Variants in MMAB observed in about 807,000 individuals in gnomAD.
The protein encoded by MMAB is metabolism of cobalamin associated B, also known as corrinoid adenosyltransferase MMAB.
Under a neutral mutation model 30.6 loss-of-function variants are expected in MMAB, and 17 were observed. That is an observed-to-expected ratio of 0.56 (90% CI 0.38 to 0.83). The LOEUF (loss-of-function observed/expected upper bound fraction) is 0.83, where lower values mean the gene tolerates loss of function less well. Among genes scored for constraint, MMAB ranks in the 40% least tolerant of loss-of-function variants. MMAB has a pLI of 0.00. For missense variants in MMAB, 311 were observed against 331.6 expected (o/e 0.94, Z 0.48); for synonymous variants, 134 against 138.6 (o/e 0.97, Z 0.23).
chr12:109,565,662 G>A (rs942820220), intron 3 of MMAB, among the ~76,000 whole-genome samples: 3 of 152,328 alleles, frequency 2.0e-5, no homozygotes, highest in Middle Eastern at 6.8e-3. Flanking sequence ...ATATTCAGGA[G>A]TGTGATAGGT....
chr12:109,573,234 G>A (rs1029759217), intron 1 of MMAB, 113 bp downstream of exon 1: 2 of 1,414,672 alleles, frequency 1.4e-6, no homozygotes, highest in Non-Finnish European at 2.0e-6. Context: ...GAACAGCGTG[G>A]AGACGTCACC....
At chr12:109,568,995 G>T (rs1884539483) in intron 2 of MMAB, 132 bp from the exon 3 acceptor site, 2 of 731,882 alleles carry the variant, frequency 2.7e-6, no homozygotes, top group Non-Finnish European at 4.8e-6. Flanking sequence ...ATCCAGGCTG[G>T]AGTACAGCGG....
At position 109,573,484 on chromosome 12, in the gene MMAB, C is replaced by T. The variant is rs372195202; in HGVS notation, c.-4G>A. 1.2e-6 allele frequency: 2 copies of T among 1,600,724 alleles called. No homozygotes were observed. The highest frequency in any genetic ancestry group is 2.2e-5 in the East Asian group (1 of 44,564). On this transcript the variant is annotated 5_prime_UTR_variant, in exon 1 of 9. Transcript: ENST00000545712. The stretch of plus-strand genomic sequence containing the variant: ...TCCCCAGGCCGCACACAGCCATGAG[C>T]CAGGCTGCTTGACGGGACCTGACCC...
intron 4 of MMAB, chr12:109,564,865 G>C (rs1884358025): frequency 3.4e-6 from 2 of 594,338 alleles, no homozygotes; most frequent in Non-Finnish European, 6.0e-6. Context: ...ATTTTGTAGA[G>C]TCAGGGTCTT....
rs776280248 is a variant in MMAB at position 109,561,849 on chromosome 12, G to C, written c.352C>G (p.Gln118Glu). 1 of 1,604,320 alleles carries C rather than the reference G, an allele frequency of 6.2e-7. No homozygotes were observed. Among genetic ancestry groups the C allele is most frequent in the Non-Finnish European group, 8.5e-7 (1 of 1,174,720 alleles). The change falls in exon 5 of 9, where the codon CAG becomes GAG. Residue 118 changes from glutamine to glutamate, a missense_variant. Transcript: ENST00000545712. The surrounding 1 kb of genome is among the most constrained non-coding windows in gnomAD (Gnocchi z 5.3). ...GAGCCGACGTCCTGCAATGTGCACT[G>C]GATCTGGGGGGCGACAGAAAGTGAC... is the stretch of plus-strand genomic sequence containing the variant. ...HTFAEELQKI[Q>E]CTLQDVGSAL...
rs1020960833 is a variant in MMAB at position 109,561,887 on chromosome 12, T to C, written c.349-35A>G. The C allele has an allele frequency of 1.1e-5, 17 of 1,569,326 alleles. No individual in the cohort carries two copies. In the Admixed American group the frequency reaches 2.0e-4, roughly 18 times the overall value. ...GACAGAAAGTGACAGTCAAGATCTA[T>C]GTGAGATGGGCTGGACAGAGACAAT... On this transcript the variant is annotated intron_variant, in intron 4 of 8. Transcript: ENST00000545712. The surrounding 1 kb of genome is among the most constrained non-coding windows in gnomAD (Gnocchi z 5.3).
rs11067227 is a variant in MMAB, at chr12:109,553,880, C to T, written c.*3148G>A. The T allele has an allele frequency of 0.24, 111,020 of 453,906 alleles. 14,247 individuals carry two copies. The highest frequency in any genetic ancestry group is 0.29 in the Middle Eastern group (415 of 1,444). The allele number at this position is 453,906 out of a possible 1,614,324, so 28.1% of individuals were successfully genotyped here. A position where few individuals can be genotyped will look rare whatever the true frequency, so the allele number is the denominator to read the frequency against. Reference sequence around the variant, plus strand: ...GAGGCAGCAGCAAGGGTGACATTGCCACTGACGGGGGCTTCCGAACTGGGG... The same window carrying T: ...GAGGCAGCAGCAAGGGTGACATTGCTACTGACGGGGGCTTCCGAACTGGGG... On this transcript the variant is annotated 3_prime_UTR_variant, in exon 9 of 9. Coordinates refer to ENST00000545712, the MANE Select transcript of MMAB (RefSeq NM_052845.4).
At chr12:109,563,994 C>A (rs1327316655) in intron 4 of MMAB, among the ~76,000 whole-genome samples, 2 of 152,234 alleles carry the variant, frequency 1.3e-5, no homozygotes, top group Non-Finnish European at 1.5e-5. Context: ...TCTTAGGGAA[C>A]AGAACAGTGA....
intron 2 of MMAB, among the ~76,000 whole-genome samples, chr12:109,571,386 G>C (rs1884621928): frequency 6.6e-6 from 1 of 151,886 alleles, no homozygotes; most frequent in Admixed American, 6.6e-5. Flanking sequence ...GTAGCTGCTG[G>C]GGTTACAGGC....
rs1255943310 is a variant in MMAB at position 109,569,154 on chromosome 12, C to A, written c.197-291G>T. The stretch of plus-strand genomic sequence containing the variant: ...AGAGACGGGTTTTCGCCCATGTTGG[C>A]CGAGCTAGTCTTGAACTCCTGGTCT... On this transcript the variant is annotated intron_variant, in intron 2 of 8. Transcript: ENST00000545712. The surrounding 1 kb of genome is among the most constrained non-coding windows in gnomAD (Gnocchi z 4.1). Among the ~76,000 whole-genome samples, 3 of 152,058 alleles carry A rather than the reference C, an allele frequency of 2.0e-5. No homozygotes were observed. Among genetic ancestry groups the A allele is most frequent in the African/African-American group, 7.2e-5 (3 of 41,382 alleles).
chr12:109,566,052 C>T (rs555430108), intron 3 of MMAB, among the ~76,000 whole-genome samples: 15 of 152,248 alleles, frequency 9.9e-5, no homozygotes, highest in South Asian at 2.1e-4. Flanking sequence ...GGGCAAGGGT[C>T]GGGGAAGGTA....
Position 109,573,335 on chromosome 12 carries a change from C to A in MMAB, c.134+12G>T. The A allele has an allele frequency of 1.2e-6, 2 of 1,613,164 alleles. No homozygotes were observed. The highest frequency in any genetic ancestry group is 4.5e-5 in the East Asian group (2 of 44,866). ...GCAGGTGTTCGAGTTGCCCTTCCCG[C>A]CAGCCACTCACCTGTCCCCGTCTTC... On this transcript the variant is annotated intron_variant, in intron 1 of 8. Coordinates refer to ENST00000545712, the MANE Select transcript of MMAB (RefSeq NM_052845.4).
rs1379662567 is a variant in MMAB, at chr12:109,556,001, T to G, written c.*1027A>C. 1 of 454,078 alleles carries G rather than the reference T, an allele frequency of 2.2e-6. No individual in the cohort carries two copies. The highest frequency in any genetic ancestry group is 4.4e-6 in the Non-Finnish European group (1 of 226,748). The allele number at this position is 454,078 out of a possible 1,614,324, so 28.1% of individuals were successfully genotyped here. A position where few individuals can be genotyped will look rare whatever the true frequency, so the allele number is the denominator to read the frequency against. Reference sequence around the variant, plus strand: ...CCTGAAACTGGACAAGAGCCTGCCCTTCCAAAGTCATTTCCTGCAATTAGC... The same window carrying G: ...CCTGAAACTGGACAAGAGCCTGCCCGTCCAAAGTCATTTCCTGCAATTAGC... On this transcript the variant is annotated 3_prime_UTR_variant, in exon 9 of 9. Transcript: ENST00000545712.
At position 109,571,733 on chromosome 12, in the gene MMAB, A is replaced by G. The variant is rs66580225; in HGVS notation, c.135-23T>C. ...GGCCTAATGAGAAATAAACATCAGT[A>G]TCTGGTGAGTGGGGATGGCTTACAC... On this transcript the variant is annotated intron_variant, in intron 1 of 8. Coordinates refer to ENST00000545712, the MANE Select transcript of MMAB (RefSeq NM_052845.4). 77,661 of 1,608,720 alleles carry G rather than the reference A, an allele frequency of 0.048. 2,448 individuals are homozygous for G. The highest frequency in any genetic ancestry group is 0.06 in the Middle Eastern group (350 of 5,882).
intron 3 of MMAB, chr12:109,567,163 T>A (rs1350405400): frequency 2.8e-6 from 1 of 357,660 alleles, no homozygotes. Flanking sequence ...AGCGCGAAAC[T>A]CCGTCTCGGA....
chr12:109,556,590 C>T lies in MMAB; in HGVS notation c.*438G>A. 1 of 454,452 alleles carries T rather than the reference C, an allele frequency of 2.2e-6. No individual in the cohort carries two copies. The highest frequency in any genetic ancestry group is 1.6e-5 in the South Asian group (1 of 64,454). The allele number at this position is 454,452 out of a possible 1,614,324, so 28.2% of individuals were successfully genotyped here. ...TAAATCACAATTACATTTTCAAGGG[C>T]CTCTGGTCCCATTCCAAATCTGTGA... On this transcript the variant is annotated 3_prime_UTR_variant, in exon 9 of 9. Coordinates refer to ENST00000545712, the MANE Select transcript of MMAB (RefSeq NM_052845.4).
At chr12:109,573,088 A>G (rs1013303353) in intron 1 of MMAB, among the ~76,000 whole-genome samples, 5 of 152,206 alleles carry the variant, frequency 3.3e-5, no homozygotes, top group African/African-American at 1.2e-4. Flanking sequence ...ATTGGTCACA[A>G]TCTGAGTCGA....
At position 109,566,413 on chromosome 12, in the gene MMAB, C is replaced by T. The variant is rs1309719188; in HGVS notation, c.291-1237G>A. Among the ~76,000 whole-genome samples, 4 of 152,266 alleles carry T rather than the reference C, an allele frequency of 2.6e-5. No homozygotes were observed. In the East Asian group the frequency reaches 5.8e-4, roughly 22 times the overall value. On this transcript the variant is annotated intron_variant, in intron 3 of 8. Coordinates refer to ENST00000545712, the MANE Select transcript of MMAB (RefSeq NM_052845.4). ...ACTAAACACACCAGTATGTGATTCC[C>T]GTCTGGTGTGTCTTCCCCTCTGGAC... is the stretch of plus-strand genomic sequence containing the variant.
rs771993425 is a variant in MMAB, at chr12:109,557,045, C to G, written c.736G>C (p.Glu246Gln). ...CTGTGATTTCAGAGTCCCTCAGACT[C>G]GGCCGATGGGTCATTTTTCATGTAT... ...KIYMKNDPSA[E>Q]SEGL The change falls in exon 9 of 9, where the codon GAG (glutamate) becomes CAG (glutamine). Residue 246 changes from glutamate to glutamine, a missense_variant. By Grantham distance (29) the Glu-to-Gln change is conservative. Transcript: ENST00000545712. The G allele has an allele frequency of 1.2e-6, 2 of 1,611,036 alleles. No homozygotes were observed. Among genetic ancestry groups the G allele is most frequent in the Non-Finnish European group, 1.7e-6 (2 of 1,177,256 alleles).
Sources: allele counts gnomAD v4.1 joint callset (sites outside exome capture counted in the v4.1 genomes callset), GRCh38; gene constraint gnomAD v4.1.1; non-coding constraint Gnocchi (gnomAD v3.1); transcripts MANE v1.5; gene names NCBI Gene and HGNC (gene_info 2026-07-23, HGNC 2026-07-21).